CTNNA3: variants seen among roughly 807,000 people sequenced by gnomAD.
CTNNA3 encodes catenin alpha 3, also known as catenin alpha-3.
A neutral mutation model predicts 95.7 loss-of-function variants in CTNNA3; 76 were observed. The ratio of observed to expected loss-of-function variants is 0.79; its 90% CI spans 0.66 to 0.96. The LOEUF is 0.96. Ranked by LOEUF, CTNNA3 falls within the 40% of genes least tolerant of loss-of-function variation. The probability of loss-of-function intolerance (pLI) is 0.00; values close to 1 mark genes in which losing one functional copy is unlikely to be tolerated. For synonymous variants in CTNNA3, 431 were observed against 374.4 expected (o/e 1.15, Z -1.74); for missense variants, 1,191 against 1,089.8 (o/e 1.09, Z -1.31).
chr10:67,597,765 G>A (rs1445547005), intron 3 of CTNNA3, among the ~76,000 whole-genome samples: 2 of 152,188 alleles, frequency 1.3e-5, no homozygotes, highest in African/African-American at 4.8e-5. Context: ...GGCGGTGGGG[G>A]CTGTGCATGC....
intron 7 of CTNNA3, among the ~76,000 whole-genome samples, chr10:66,776,567 T>C (rs571942650): frequency 2.6e-5 from 4 of 152,144 alleles, no homozygotes; most frequent in Non-Finnish European, 5.9e-5. Context: ...CCTAACCTAC[T>C]TTTTTACTCT....
chr10:66,168,820 A>C (rs1278843364), intron 13 of CTNNA3, among the ~76,000 whole-genome samples: 1 of 152,188 alleles, frequency 6.6e-6, no homozygotes. Flanking sequence ...TTGGCAGCTA[A>C]AAGTCAATAA....
intron 15 of CTNNA3, among the ~76,000 whole-genome samples, chr10:66,048,268 A>G (rs190073269): frequency 1.3e-5 from 2 of 152,344 alleles, no homozygotes; most frequent in African/African-American, 4.8e-5. Flanking sequence ...GTACTGGTAC[A>G]GAAACCGACA....
At chr10:67,691,585 C>T (rs1285773744) in intron 1 of CTNNA3, among the ~76,000 whole-genome samples, 2 of 151,446 alleles carry the variant, frequency 1.3e-5, no homozygotes, top group Admixed American at 6.6e-5. Flanking sequence ...CCGGTCGCCC[C>T]GTCTGAGAAG....
intron 12 of CTNNA3, among the ~76,000 whole-genome samples, chr10:66,343,929 T>C (rs1485341391): frequency 6.6e-6 from 1 of 151,902 alleles, no homozygotes; most frequent in African/African-American, 2.4e-5. Context: ...TCTAAATCTC[T>C]ATAAAATTGA....
intron 7 of CTNNA3, among the ~76,000 whole-genome samples, chr10:66,846,098 C>T (rs895866852): frequency 6.6e-6 from 1 of 151,292 alleles, no homozygotes; most frequent in African/African-American, 2.5e-5. Context: ...TGCCACTGCA[C>T]TCCAGCCTGG....
intron 15 of CTNNA3, among the ~76,000 whole-genome samples, chr10:66,019,087 CAT>C (rs1350048542): frequency 6.6e-6 from 1 of 152,036 alleles, no homozygotes; most frequent in African/African-American, 2.4e-5. Flanking sequence ...ATGAAAATGT[CAT>C]ATGTTATCTA....
At chr10:67,181,197 A>C (rs1405599183) in intron 6 of CTNNA3, among the ~76,000 whole-genome samples, 1 of 152,170 alleles carries the variant, frequency 6.6e-6, no homozygotes, top group Non-Finnish European at 1.5e-5. Context: ...TAAATTCTGA[A>C]TTTTAATTAT....
At chr10:67,296,124 A>G (rs1329327348) in intron 5 of CTNNA3, among the ~76,000 whole-genome samples, 1 of 152,234 alleles carries the variant, frequency 6.6e-6, no homozygotes. Flanking sequence ...TTTTTAACCC[A>G]AAATTTATAT....
At chr10:67,312,045 G>A (rs747758881) in intron 5 of CTNNA3, among the ~76,000 whole-genome samples, 3 of 150,438 alleles carry the variant, frequency 2.0e-5, no homozygotes, top group East Asian at 3.9e-4. Flanking sequence ...AGTCTGCAAG[G>A]CTTGTGAAAA....
chr10:66,345,308 A>G (rs2092497189), intron 12 of CTNNA3, among the ~76,000 whole-genome samples: 1 of 152,270 alleles, frequency 6.6e-6, no homozygotes, highest in African/African-American at 2.4e-5. Flanking sequence ...AATGTATAGC[A>G]TCATAAAAAA....
chr10:67,111,824 T>C (rs1441178591), intron 7 of CTNNA3, among the ~76,000 whole-genome samples: 2 of 152,076 alleles, frequency 1.3e-5, no homozygotes, highest in African/African-American at 4.8e-5. Context: ...AATTTACCTG[T>C]TACTGATGAG....
intron 7 of CTNNA3, among the ~76,000 whole-genome samples, chr10:67,118,244 G>A (rs1859284527): frequency 6.6e-6 from 1 of 151,916 alleles, no homozygotes; most frequent in African/African-American, 2.4e-5. Context: ...CTACTGAATG[G>A]CACTGTTGGA....
At chr10:66,004,767 T>G (rs1392612365) in intron 15 of CTNNA3, among the ~76,000 whole-genome samples, 2 of 152,208 alleles carry the variant, frequency 1.3e-5, no homozygotes, top group Admixed American at 1.3e-4. Context: ...GAGTTGGTAG[T>G]TGAATGCATT....
chr10:66,797,438 T>TAACA (rs1841251271), intron 7 of CTNNA3, among the ~76,000 whole-genome samples: 1 of 149,736 alleles, frequency 6.7e-6, no homozygotes, highest in African/African-American at 2.4e-5. Context: ...ATTTAAATAC[T>TAACA]AACACTATTG....
At chr10:67,268,421 T>C (rs1023795495) in intron 5 of CTNNA3, among the ~76,000 whole-genome samples, 6 of 151,956 alleles carry the variant, frequency 3.9e-5, no homozygotes, top group African/African-American at 1.5e-4. Context: ...ACTTGGCCAC[T>C]AAGGCAGGAG....
At chr10:67,279,163 G>C (rs1839298594) in intron 5 of CTNNA3, among the ~76,000 whole-genome samples, 1 of 152,096 alleles carries the variant, frequency 6.6e-6, no homozygotes. Context: ...CATCGAGTCA[G>C]TCATAAAACC....
At chr10:66,945,872 G>A (rs1380663277) in intron 7 of CTNNA3, among the ~76,000 whole-genome samples, 1 of 152,170 alleles carries the variant, frequency 6.6e-6, no homozygotes, top group Non-Finnish European at 1.5e-5. Flanking sequence ...TGGCTGGTCA[G>A]TGAAGCGGTC....
rs181111359 is a variant in CTNNA3, at chr10:66,485,476, A to G, written c.1531+35141T>C. On this transcript the variant is annotated intron_variant, in intron 11 of 17. Transcript: ENST00000433211. ...GAACTATCCAAAAGATAAATTAAGA[A>G]AACAATGTCATTTCAACAGCATCCT... is the stretch of plus-strand genomic sequence containing the variant. 2.7e-3 allele frequency among the ~76,000 whole-genome samples: 411 copies of G among 152,240 alleles called. 2 individuals carry two copies. The highest frequency in any genetic ancestry group is 9.5e-3 in the African/African-American group (394 of 41,580).
Sources: allele counts gnomAD v4.1 joint callset (sites outside exome capture counted in the v4.1 genomes callset), GRCh38; gene constraint gnomAD v4.1.1; transcripts MANE v1.5; gene names NCBI Gene and HGNC (gene_info 2026-07-23, HGNC 2026-07-21).